The following ABCG8 variants were observed in gnomAD, a reference collection of about 807,000 sequenced individuals.
The protein encoded by ABCG8 is ATP-binding cassette sub-family G member 8.
Under a neutral mutation model 71.3 loss-of-function variants are expected in ABCG8, and 81 were observed. The observed-to-expected ratio is 1.14, with a 90% CI of 0.95 to 1.37. The LOEUF is 1.37. Ranked by LOEUF, ABCG8 falls within the 40% of genes most tolerant of loss-of-function variation. The pLI is 0.00. For missense variants in ABCG8, 1,119 were observed against 866.2 expected, an observed-to-expected ratio of 1.29 and a Z score of -3.66; for synonymous variants, 451 against 354.7, an observed-to-expected ratio of 1.27 and a Z score of -3.05.
chr2:43,865,357 A>T (rs920722460), intron 6 of ABCG8, among the ~76,000 whole-genome samples: 8 of 135,616 alleles, frequency 5.9e-5, no homozygotes, highest in African/African-American at 2.3e-4. Flanking sequence ...TCTGGATAGA[A>T]CTCTTACTAT....
Position 43,852,591 on chromosome 2 carries a change from T to C in ABCG8, c.695-8T>C, listed in dbSNP as rs1170307409. 6 of 1,614,014 alleles carry C rather than the reference T, an allele frequency of 3.7e-6. No homozygotes were observed. Among genetic ancestry groups the C allele is most frequent in the Non-Finnish European group, 5.1e-6 (6 of 1,180,016 alleles). The stretch of plus-strand genomic sequence containing the variant: ...CCGACTCACCAGGCTCCTCTCTGTG[T>C]TGGAAAGGAATCCTTATTCTCGACG... On this transcript the variant is annotated splice_region_variant and splice_polypyrimidine_tract_variant and intron_variant, in intron 5 of 12. Transcript: ENST00000272286.
At chr2:43,875,033 C>G in intron 10 of ABCG8, 113 bp from the exon 11 acceptor site, 1 of 1,462,356 alleles carries the variant, frequency 6.8e-7, no homozygotes, top group African/African-American at 1.4e-5. Flanking sequence ...GCCACAGCCT[C>G]ATCATCACCA....
chr2:43,838,974 CAG>C lies in ABCG8; in HGVS notation c.-77_-76del. ...GCCGAGGTGTCCCTGCTCCAGGAAA[CAG>C]AGTGAAGACACTGGCCCTGGCAGGC... On this transcript the variant is annotated 5_prime_UTR_variant, in exon 1 of 13. Transcript: ENST00000272286. The surrounding 1 kb of genome is among the most constrained non-coding windows in gnomAD (Gnocchi z 4.2). 6.9e-7 allele frequency: 1 copy of C among 1,450,492 alleles called. No homozygotes were observed. Among genetic ancestry groups the C allele is most frequent in the South Asian group, 1.2e-5 (1 of 81,292 alleles). 89.9% of individuals were successfully genotyped at this position (1,450,492 alleles called of 1,614,324 possible).
chr2:43,869,102 T>C (rs1572858703), intron 6 of ABCG8, among the ~76,000 whole-genome samples: 1 of 151,368 alleles, frequency 6.6e-6, no homozygotes, highest in East Asian at 1.9e-4. Context: ...GATTGATCTC[T>C]CACTATCTAT....
chr2:43,861,028 A>G (rs62136452), intron 6 of ABCG8, among the ~76,000 whole-genome samples: 55,970 of 150,764 alleles, frequency 0.37, 12,255 homozygotes, highest in East Asian at 0.86. Context: ...AATTATCACT[A>G]TCTATCGGGA....
At chr2:43,868,229 C>G (rs1054281391) in intron 6 of ABCG8, among the ~76,000 whole-genome samples, 2 of 151,926 alleles carry the variant, frequency 1.3e-5, no homozygotes, top group Middle Eastern at 3.4e-3. Context: ...CTGGATAGAC[C>G]TCTCACTAGC....
intron 6 of ABCG8, among the ~76,000 whole-genome samples, chr2:43,866,769 A>C (rs1669545050): frequency 6.6e-6 from 1 of 151,108 alleles, no homozygotes; most frequent in Non-Finnish European, 1.5e-5. Context: ...TAGTTCAACC[A>C]TTGTGGAAGT....
intron 1 of ABCG8, among the ~76,000 whole-genome samples, chr2:43,843,015 T>G (rs969459239): frequency 6.6e-6 from 1 of 152,174 alleles, no homozygotes; most frequent in Non-Finnish European, 1.5e-5. Context: ...GACTGCTGTA[T>G]GTTATTTGTT....
intron 6 of ABCG8, among the ~76,000 whole-genome samples, chr2:43,871,702 G>T (rs1425021737): frequency 1.3e-5 from 2 of 152,194 alleles, no homozygotes; most frequent in Non-Finnish European, 1.5e-5. Context: ...GTGGGACTTG[G>T]GCGGGGCCTC....
rs1238063937 is a variant in ABCG8 at position 43,841,168 on chromosome 2, T to C, written c.63+2052T>C. Reference sequence around the variant, plus strand: ...CTTGCCAACCCTCCAGCCGTGAGTGTCAGCACATCACTCCCCCCGGGGCAT... The same window carrying C: ...CTTGCCAACCCTCCAGCCGTGAGTGCCAGCACATCACTCCCCCCGGGGCAT... On this transcript the variant is annotated intron_variant, in intron 1 of 12. Coordinates refer to ENST00000272286, the MANE Select transcript of ABCG8 (RefSeq NM_022437.3). Among the ~76,000 whole-genome samples the C allele has an allele frequency of 3.3e-5, 5 of 152,178 alleles. 1 individual carries two copies. Among genetic ancestry groups the C allele is most frequent in the Admixed American group, 2.0e-4 (3 of 15,278 alleles).
intron 6 of ABCG8, among the ~76,000 whole-genome samples, chr2:43,871,313 TA>T: frequency 6.7e-6 from 1 of 149,578 alleles, no homozygotes; most frequent in Non-Finnish European, 1.5e-5. Context: ...ACTCTCTGGA[TA>T]GAACTCTCAC....
chr2:43,859,834 A>G (rs1669241521), intron 6 of ABCG8, among the ~76,000 whole-genome samples: 1 of 148,706 alleles, frequency 6.7e-6, no homozygotes, highest in Non-Finnish European at 1.5e-5. Flanking sequence ...TCTAGTTAGA[A>G]CTTTCACTAT....
In ABCG8 at chr2:43,877,783, G is replaced by C; in HGVS notation, c.1892G>C (p.Ser631Thr). 6.2e-7 allele frequency: 1 copy of C among 1,614,138 alleles called. No homozygotes were observed. The highest frequency in any genetic ancestry group is 1.3e-5 in the African/African-American group (1 of 75,006). The change falls in exon 13 of 13, where the codon AGT (serine) becomes ACT (threonine). Residue 631 changes from serine (S) to threonine (T), a missense_variant. Transcript: ENST00000272286. ...TIAVSGDKIL[S>T]VMELDSYPLY... The stretch of plus-strand genomic sequence containing the variant: ...GCATGTCTGTGTCTCCAGATCCTCA[G>C]TGTCATGGAGCTGGACTCGTACCCT...
chr2:43,863,271 A>G (rs1253078173), intron 6 of ABCG8, among the ~76,000 whole-genome samples: 4 of 151,038 alleles, frequency 2.6e-5, no homozygotes, highest in African/African-American at 9.7e-5. Context: ...AATTCTCACT[A>G]TATACCTAGA....
At chr2:43,867,313 T>A (rs538670190) in intron 6 of ABCG8, among the ~76,000 whole-genome samples, 67 of 150,986 alleles carry the variant, frequency 4.4e-4, no homozygotes, top group South Asian at 8.5e-4. Context: ...AACCTGCACA[T>A]TGTGCACATG....
rs545220088 is a variant in ABCG8 at position 43,879,383 on chromosome 2, G to A, written c.*1470G>A. The A allele has an allele frequency of 5.3e-5, 8 of 152,342 alleles. No homozygotes were observed. Among genetic ancestry groups the A allele is most frequent in the Non-Finnish European group, 1.0e-4 (7 of 68,050 alleles). The allele number at this position is 152,342 out of a possible 1,614,324, so 9.4% of individuals were successfully genotyped here. A position where few individuals can be genotyped will look rare whatever the true frequency, so the allele number is the denominator to read the frequency against. ...TCTTGCTACTCCAAGTACGATCCCT[G>A]GGCCAGCAGAATGGGCACAGCTGGA... On this transcript the variant is annotated 3_prime_UTR_variant, in exon 13 of 13. Coordinates refer to ENST00000272286, the MANE Select transcript of ABCG8 (RefSeq NM_022437.3).
At position 43,838,997 on chromosome 2, in the gene ABCG8, C is replaced by G; in HGVS notation, c.-57C>G. The G allele has an allele frequency of 6.6e-7, 1 of 1,514,616 alleles. No homozygotes were observed. The highest frequency in any genetic ancestry group is 9.0e-7 in the Non-Finnish European group (1 of 1,115,338). The allele number at this position is 1,514,616 out of a possible 1,614,324, so 93.8% of individuals were successfully genotyped here. ...AACAGAGTGAAGACACTGGCCCTGG[C>G]AGGCAGCAGCTGGGTCTAAGAGAGC... On this transcript the variant is annotated 5_prime_UTR_variant, in exon 1 of 13. Transcript: ENST00000272286. The surrounding 1 kb of genome is among the most constrained non-coding windows in gnomAD (Gnocchi z 4.2).
At position 43,881,961 on chromosome 2, in the gene ABCG8, T is replaced by C. The variant is rs1670143591; in HGVS notation, c.*4048T>C. On this transcript the variant is annotated 3_prime_UTR_variant, in exon 13 of 13. Coordinates refer to ENST00000272286, the MANE Select transcript of ABCG8 (RefSeq NM_022437.3). ...TATAGTAACGTACAGCCGGTGTGGCTGTCTTCTAAGAAAGTATTATTTACA... is the reference window on the plus strand; with the variant it reads ...TATAGTAACGTACAGCCGGTGTGGCCGTCTTCTAAGAAAGTATTATTTACA... 6.6e-6 allele frequency: 1 copy of C among 152,228 alleles called. No individual in the cohort carries two copies. Among genetic ancestry groups the C allele is most frequent in the African/African-American group, 2.4e-5 (1 of 41,460 alleles). 9.4% of individuals were successfully genotyped at this position (152,228 alleles called of 1,614,324 possible). A position where few individuals can be genotyped will look rare whatever the true frequency, so the allele number is the denominator to read the frequency against.
chr2:43,853,139 T>C (rs1668985714), intron 6 of ABCG8, among the ~76,000 whole-genome samples: 1 of 152,152 alleles, frequency 6.6e-6, no homozygotes, highest in African/African-American at 2.4e-5. Flanking sequence ...GGCATGGAAT[T>C]CAAGAGGGTG....
Sources: gnomAD v4.1 joint callset for allele counts (sites outside exome capture counted in the v4.1 genomes callset) on GRCh38, gnomAD v4.1.1 for gene constraint, Gnocchi (gnomAD v3.1) non-coding constraint, MANE v1.5 for transcripts, NCBI Gene and HGNC (gene_info 2026-07-23, HGNC 2026-07-21) for gene names.